The following CAST variants were observed in gnomAD, a reference collection of about 807,000 sequenced individuals.
The protein encoded by CAST is calpastatin, also known as MIR583 host.
Under a neutral mutation model 119.6 loss-of-function variants are expected in CAST, and 76 were observed. The ratio of observed to expected loss-of-function variants is 0.64; its 90% confidence interval spans 0.53 to 0.77. The LOEUF is 0.77. Among genes scored for constraint, CAST ranks in the 30% least tolerant of loss-of-function variants. CAST has a pLI of 0.00. For synonymous variants in CAST, 319 were observed against 331.6 expected (o/e 0.96, Z 0.41); for missense variants, 953 against 946.5 (o/e 1.01, Z -0.09).
At chr5:96,745,258 T>C (rs780990432) in intron 16 of CAST, among the ~76,000 whole-genome samples, 24 of 152,358 alleles carry the variant, frequency 1.6e-4, no homozygotes, top group Non-Finnish European at 2.6e-4. Flanking sequence ...TGAGAGCTTC[T>C]CTATAAAACA....
At chr5:96,064,091 A>T in the CAST span, among the ~76,000 whole-genome samples, 1 of 152,186 alleles carries the variant, frequency 6.6e-6, no homozygotes, top group Non-Finnish European at 1.5e-5. Flanking sequence ...TTACCTGTTA[A>T]AGATGCATTT....
chr5:96,420,710 A>G, the CAST span, among the ~76,000 whole-genome samples: 2 of 139,946 alleles, frequency 1.4e-5, no homozygotes, highest in Non-Finnish European at 3.1e-5. Context: ...TGCACCAGCC[A>G]CTTGGGAGTT....
the CAST span, among the ~76,000 whole-genome samples, chr5:96,158,415 T>A: frequency 1.3e-5 from 2 of 152,200 alleles, no homozygotes. Context: ...TTTTAATAAC[T>A]GCATCTCTAT....
chr5:96,244,221 A>G, the CAST span, among the ~76,000 whole-genome samples: 3 of 152,222 alleles, frequency 2.0e-5, no homozygotes, highest in Admixed American at 6.5e-5. Flanking sequence ...CACTCAATAA[A>G]TAAAATGACT....
At chr5:96,496,227 T>G in the CAST span, among the ~76,000 whole-genome samples, 1 of 152,236 alleles carries the variant, frequency 6.6e-6, no homozygotes, top group Non-Finnish European at 1.5e-5. Flanking sequence ...ATAGTTTTAA[T>G]TTTATCATAT....
chr5:96,147,956 A>C, the CAST span, among the ~76,000 whole-genome samples: 1 of 152,222 alleles, frequency 6.6e-6, no homozygotes, highest in African/African-American at 2.4e-5. Context: ...TGTGGTACAG[A>C]ATATTGTCAG....
At position 96,568,850 on chromosome 5, in the gene CAST, G is replaced by T. The variant is rs932529767; in HGVS notation, c.60+38970G>T. ...TATGCCTATGCAGAATCTTGTGAGA[G>T]AAAACCAAGCAGAAGGGACAATGAA... is the stretch of plus-strand genomic sequence containing the variant. On this transcript the variant is annotated intron_variant, in intron 1 of 11. Coordinates refer to the CAST transcript ENST00000505143. Among the ~76,000 whole-genome samples, 6 of 152,060 alleles carry T rather than the reference G, an allele frequency of 3.9e-5. No individual in the cohort carries two copies. The South Asian group carries it at 1.2e-3, about 31-fold the overall frequency.
the CAST span, among the ~76,000 whole-genome samples, chr5:96,419,830 TG>T: frequency 6.6e-6 from 1 of 152,162 alleles, no homozygotes; most frequent in Non-Finnish European, 1.5e-5. Context: ...AATGCTGTGC[TG>T]TGAGATCCCC....
the CAST span, among the ~76,000 whole-genome samples, chr5:96,488,464 A>G: frequency 5.3e-5 from 8 of 152,234 alleles, no homozygotes; most frequent in Non-Finnish European, 1.2e-4. Context: ...ATGTCAAAAA[A>G]TGCAAAACTT....
the CAST span, chr5:96,412,919 A>T: frequency 2.1e-6 from 2 of 956,494 alleles, no homozygotes; most frequent in Non-Finnish European, 2.5e-6. Flanking sequence ...TAAATGACAG[A>T]CCAGCTTTCA....
chr5:96,410,787 G>T, the CAST span: 1 of 1,613,402 alleles, frequency 6.2e-7, no homozygotes, highest in Non-Finnish European at 8.5e-7. Context: ...TCTCTGGTCG[G>T]TGTAATCTCC....
chr5:96,561,029 AG>A (rs1388742892), intron 1 of CAST, among the ~76,000 whole-genome samples: 2 of 152,230 alleles, frequency 1.3e-5, no homozygotes, highest in African/African-American at 4.8e-5. Context: ...GCCATAAAAA[AG>A]GATGAGTTCA....
chr5:96,690,417 A>G (rs1235834039), intron 2 of CAST, among the ~76,000 whole-genome samples: 1 of 151,964 alleles, frequency 6.6e-6, no homozygotes, highest in African/African-American at 2.4e-5. Flanking sequence ...TTTAGTAGAG[A>G]TGGGGTTTCA....
At chr5:96,608,995 T>A (rs1005298627) in intron 1 of CAST, among the ~76,000 whole-genome samples, 1 of 152,202 alleles carries the variant, frequency 6.6e-6, no homozygotes, top group African/African-American at 2.4e-5. Context: ...ACGTGAGATT[T>A]GAGCAGGGAC....
intron 1 of CAST, among the ~76,000 whole-genome samples, chr5:96,607,101 T>A (rs1027140104): frequency 2.6e-4 from 39 of 152,110 alleles, no homozygotes; most frequent in Admixed American, 3.3e-4. Context: ...ATCCTGGCTA[T>A]CACAGGGAAA....
chr5:96,220,215 C>G, the CAST span, among the ~76,000 whole-genome samples: 17 of 152,182 alleles, frequency 1.1e-4, no homozygotes, highest in African/African-American at 3.6e-4. Flanking sequence ...AGTCTCTACT[C>G]TCTTCCTACC....
At chr5:96,106,035 A>G in the CAST span, among the ~76,000 whole-genome samples, 4 of 152,218 alleles carry the variant, frequency 2.6e-5, no homozygotes, top group Non-Finnish European at 5.9e-5. Context: ...AGGTGTTTGT[A>G]GCATTCTCTG....
chr5:96,687,958 G>A (rs946951279), intron 2 of CAST, among the ~76,000 whole-genome samples: 1 of 152,158 alleles, frequency 6.6e-6, no homozygotes, highest in Non-Finnish European at 1.5e-5. Context: ...GATAATGAGG[G>A]TTCTTACTAC....
At chr5:96,634,741 C>T (rs1029520268) in intron 1 of CAST, among the ~76,000 whole-genome samples, 1 of 152,214 alleles carries the variant, frequency 6.6e-6, no homozygotes, top group African/African-American at 2.4e-5. Flanking sequence ...ATAATCCCTA[C>T]CTAACCCCTG....
Sources: gnomAD v4.1 joint callset for allele counts (sites outside exome capture counted in the v4.1 genomes callset) on GRCh38, gnomAD v4.1.1 for gene constraint, MANE v1.5 for transcripts, NCBI Gene and HGNC (gene_info 2026-07-23, HGNC 2026-07-21) for gene names.